The following FAM161B variants were observed in gnomAD, a reference collection of about 807,000 sequenced individuals.
FAM161B encodes the protein FAM161 centrosomal protein B, also known as protein FAM161B.
FAM161B carries 46 observed loss-of-function variants against 61.5 expected under a neutral mutation model. The ratio of observed to expected loss-of-function variants is 0.75; its 90% CI spans 0.59 to 0.96. The LOEUF is 0.96. Ranked by LOEUF, FAM161B falls within the 40% of genes least tolerant of loss-of-function variation. The pLI, the probability that FAM161B is intolerant of heterozygous loss-of-function variation, is 0.00. For missense variants in FAM161B, 774 were observed against 800.7 expected, an observed-to-expected ratio of 0.97 and a Z score of 0.40; for synonymous variants, 284 against 302.7, an observed-to-expected ratio of 0.94 and a Z score of 0.64.
In FAM161B at chr14:73,949,972, C is replaced by T; in HGVS notation, c.54+1G>A. ...GGGGGCAGTCTCTTTTCTCTCCTCA[C>T]CTGACGGCTCCCCTCCGCGCCTCCG... On this transcript the variant is annotated splice_donor_variant, in intron 1 of 8. Transcript: ENST00000286544. LOFTEE classifies it high-confidence loss of function. 1 of 1,613,556 alleles carries T rather than the reference C, an allele frequency of 6.2e-7. No individual in the cohort carries two copies. Among genetic ancestry groups the T allele is most frequent in the East Asian group, 2.2e-5 (1 of 44,886 alleles).
At chr14:73,943,964 G>T (rs2056040969) in intron 3 of FAM161B, among the ~76,000 whole-genome samples, 1 of 152,122 alleles carries the variant, frequency 6.6e-6, no homozygotes, top group Non-Finnish European at 1.5e-5. Context: ...CCAGGACGAA[G>T]GAGCCATGGG....
Position 73,942,491 on chromosome 14 carries a change from T to C in FAM161B, c.1150A>G (p.Arg384Gly), listed in dbSNP as rs1216748320. Residue 384 changes from arginine to glycine, a missense_variant, in exon 4 of 9, where the codon AGA becomes GGA. By Grantham distance (125) the Arg-to-Gly change is moderately radical. Transcript: ENST00000286544. ...GTTTCTCTTCTTTTGGCTGCTCTTC[T>C]CTGGAAGGCCTTGTAAAGGCCCTCA... The part of the protein sequence containing the change: ...DYEGLYKAFQ[R>G]RAAKRRETQE... 1.2e-6 allele frequency: 2 copies of C among 1,614,188 alleles called. No homozygotes were observed. Among genetic ancestry groups the C allele is most frequent in the Admixed American group, 1.7e-5 (1 of 60,018 alleles).
intron 5 of FAM161B, among the ~76,000 whole-genome samples, chr14:73,938,374 G>A (rs1261667414): frequency 5.3e-5 from 8 of 151,984 alleles, no homozygotes; most frequent in East Asian, 1.9e-4. Context: ...CAAGAGAATC[G>A]CTTGAACCCG....
chr14:73,924,746 G>C, the FAM161B span: 1 of 425,556 alleles, frequency 2.3e-6, no homozygotes, highest in Non-Finnish European at 4.6e-6. Context: ...GTGCGTTCTC[G>C]GCTCACTGCA....
At position 73,946,273 on chromosome 14, in the gene FAM161B, T is replaced by C; in HGVS notation, c.374+13A>G. On this transcript the variant is annotated intron_variant, in intron 2 of 8. Transcript: ENST00000286544. ...GTGTGGAGTGAGGCAGCCGTGGAGCTGCAGTGCCTTACCTCAGAGCCTGCG... is the reference window on the plus strand; with the variant it reads ...GTGTGGAGTGAGGCAGCCGTGGAGCCGCAGTGCCTTACCTCAGAGCCTGCG... 6.2e-7 allele frequency: 1 copy of C among 1,606,726 alleles called. No individual in the cohort carries two copies. Among genetic ancestry groups the C allele is most frequent in the Non-Finnish European group, 8.5e-7 (1 of 1,175,140 alleles).
chr14:73,949,430 G>A (rs542700732), intron 1 of FAM161B, among the ~76,000 whole-genome samples: 1 of 152,106 alleles, frequency 6.6e-6, no homozygotes, highest in East Asian at 1.9e-4. Context: ...ATGGAAACCA[G>A]CCTGGTCTCG....
intron 7 of FAM161B, among the ~76,000 whole-genome samples, chr14:73,937,159 T>C (rs971332798): frequency 6.6e-6 from 1 of 152,104 alleles, no homozygotes; most frequent in Non-Finnish European, 1.5e-5. Context: ...TGCAGGGTGT[T>C]TGTGGGCATC....
intron 5 of FAM161B, among the ~76,000 whole-genome samples, chr14:73,940,238 C>A (rs1648925611): frequency 6.6e-6 from 1 of 152,204 alleles, no homozygotes; most frequent in African/African-American, 2.4e-5. Flanking sequence ...ATGAGAACAT[C>A]ATAACAGAAT....
At chr14:73,931,611 C>T, downstream of FAM161B, 9 of 1,424,656 alleles carry the variant, frequency 6.3e-6, no homozygotes, top group South Asian at 1.1e-4. Flanking sequence ...AACAGGATGC[C>T]TTAGCCCACA....
At chr14:73,945,248 TTAA>T (rs954293304) in intron 2 of FAM161B, among the ~76,000 whole-genome samples, 4 of 152,136 alleles carry the variant, frequency 2.6e-5, no homozygotes, top group African/African-American at 9.7e-5. Flanking sequence ...GTGGCAAAAA[TTAA>T]TGTCTACTTA....
chr14:73,935,539 T>C (rs1181561081), intron 8 of FAM161B, among the ~76,000 whole-genome samples: 2 of 94,198 alleles, frequency 2.1e-5, no homozygotes, highest in Non-Finnish European at 4.9e-5. Flanking sequence ...AAAAAAAAAA[T>C]ACAAAAAATA....
At position 73,942,615 on chromosome 14, in the gene FAM161B, T is replaced by C; in HGVS notation, c.1026A>G (p.Pro342=). Reference sequence around the variant, plus strand: ...GGGTTCGGGTGGCTGTGCGGGGCTGTGGGTTAGCCCGGTTACTAGAGGAGG... The same window carrying C: ...GGGTTCGGGTGGCTGTGCGGGGCTGCGGGTTAGCCCGGTTACTAGAGGAGG... ...PIASSSNRAN[P]QPRTATRTQQ... The change falls in exon 4 of 9, where the codon CCA becomes CCG. Residue 342 remains proline (P), a synonymous_variant. Transcript: ENST00000286544. The C allele has an allele frequency of 6.2e-7, 1 of 1,614,162 alleles. No individual in the cohort carries two copies. Among genetic ancestry groups the C allele is most frequent in the South Asian group, 1.1e-5 (1 of 91,086 alleles).
At chr14:73,923,333 G>T in the FAM161B span, 1 of 1,544,254 alleles carries the variant, frequency 6.5e-7, no homozygotes, top group South Asian at 1.2e-5. Flanking sequence ...GAGGCTTAAT[G>T]ATCCAGATAG....
At chr14:73,923,477 G>A in the FAM161B span, 1 of 1,613,934 alleles carries the variant, frequency 6.2e-7, no homozygotes, top group Non-Finnish European at 8.5e-7. Flanking sequence ...AGTCAGGGAG[G>A]CAATCATATG....
At chr14:73,940,495 G>A (rs570258230) in intron 5 of FAM161B, among the ~76,000 whole-genome samples, 7 of 152,110 alleles carry the variant, frequency 4.6e-5, no homozygotes, top group South Asian at 4.1e-4. Context: ...TTTGTCTGGC[G>A]AACTCTTCCT....
In FAM161B at chr14:73,940,966, G is replaced by GCCACC; in HGVS notation, c.1359_1360insGGTGG (p.His454GlyfsTer46). 1 of 1,613,900 alleles carries GCCACC rather than the reference G, an allele frequency of 6.2e-7. No homozygotes were observed. Among genetic ancestry groups the GCCACC allele is most frequent in the Non-Finnish European group, 8.5e-7 (1 of 1,179,850 alleles). ...CTCTTCCTGGTGGCATCTGTGATGT[G>GCCACC]CACAGGGAGAGTGTTGGCAGAGAGG... On this transcript the variant is annotated frameshift_variant, in exon 5 of 9. Coordinates refer to ENST00000286544, the MANE Select transcript of FAM161B (RefSeq NM_152445.3). LOFTEE classifies it high-confidence loss of function.
Position 73,933,623 on chromosome 14 carries a change from A to G in FAM161B, c.*633T>C, listed in dbSNP as rs1338030024. The G allele has an allele frequency of 6.6e-6, 1 of 152,188 alleles. No homozygotes were observed. The highest frequency in any genetic ancestry group is 1.5e-5 in the Non-Finnish European group (1 of 68,046). 9.4% of individuals were successfully genotyped at this position (152,188 alleles called of 1,614,324 possible). A position where few individuals can be genotyped will look rare whatever the true frequency, so the allele number is the denominator to read the frequency against. ...GATTTGATACTTTCCAGTGTCTACT[A>G]TCTCCTACTGTCTACACCCACTCCA... On this transcript the variant is annotated 3_prime_UTR_variant, in exon 9 of 9. Transcript: ENST00000286544.
chr14:73,949,172 G>A (rs1390836993), intron 1 of FAM161B, among the ~76,000 whole-genome samples: 5 of 152,038 alleles, frequency 3.3e-5, no homozygotes, highest in African/African-American at 1.2e-4. Context: ...GCACAATCTC[G>A]GCTCACTGCA....
In FAM161B at chr14:73,949,863, T is replaced by G. The variant is rs1319183510; in HGVS notation, c.54+110A>C. On this transcript the variant is annotated intron_variant, in intron 1 of 8. Coordinates refer to ENST00000286544, the MANE Select transcript of FAM161B (RefSeq NM_152445.3). ...CCTCCTGGTCCCTAAACGCTCATTTTAATCCCACGCCCCTCCGTGACACGC... is the reference window on the plus strand; with the variant it reads ...CCTCCTGGTCCCTAAACGCTCATTTGAATCCCACGCCCCTCCGTGACACGC... The G allele has an allele frequency of 2.0e-6, 3 of 1,476,926 alleles. No homozygotes were observed. In the African/African-American group the frequency reaches 4.2e-5, roughly 21 times the overall value. 91.5% of individuals were successfully genotyped at this position (1,476,926 alleles called of 1,614,324 possible). A position where few individuals can be genotyped will look rare whatever the true frequency, so the allele number is the denominator to read the frequency against.
Sources: gnomAD v4.1 joint callset for allele counts (sites outside exome capture counted in the v4.1 genomes callset) on GRCh38, gnomAD v4.1.1 for gene constraint, MANE v1.5 for transcripts, NCBI Gene and HGNC (gene_info 2026-07-23, HGNC 2026-07-21) for gene names.